GRID2: variants seen among roughly 807,000 people sequenced by gnomAD.
GRID2 encodes glutamate receptor ionotropic, delta-2.
Under a neutral mutation model 114.8 loss-of-function variants are expected in GRID2, and 33 were observed. That is an observed-to-expected ratio of 0.29 (90% CI 0.22 to 0.38). The LOEUF is 0.38. Among genes scored for constraint, GRID2 ranks in the 10% least tolerant of loss-of-function variants. The pLI, the probability that GRID2 is intolerant of heterozygous loss-of-function variation, is 1.00. For missense variants in GRID2, 1,184 were observed against 1,257.7 expected, an observed-to-expected ratio of 0.94 and a Z score of 0.89; for synonymous variants, 505 against 449.9, an observed-to-expected ratio of 1.12 and a Z score of -1.55.
At chr4:93,241,537 TTA>T (rs1239697862) in intron 8 of GRID2, among the ~76,000 whole-genome samples, 1 of 151,894 alleles carries the variant, frequency 6.6e-6, no homozygotes, top group African/African-American at 2.4e-5. Context: ...ATAATTATGC[TTA>T]TGTTTACATA....
chr4:92,736,732 C>A (rs531344535), intron 2 of GRID2, among the ~76,000 whole-genome samples: 1 of 152,082 alleles, frequency 6.6e-6, no homozygotes, highest in Non-Finnish European at 1.5e-5. Flanking sequence ...AACACTGCCC[C>A]AGTTTATGGG....
At chr4:92,875,187 A>G (rs1157578100) in intron 2 of GRID2, among the ~76,000 whole-genome samples, 2 of 111,188 alleles carry the variant, frequency 1.8e-5, no homozygotes, top group African/African-American at 7.1e-5. Flanking sequence ...CCCGAGACGG[A>G]GTCTCACACT....
chr4:93,636,837 G>A (rs1475795855), intron 14 of GRID2, among the ~76,000 whole-genome samples: 1 of 152,104 alleles, frequency 6.6e-6, no homozygotes, highest in South Asian at 2.1e-4. Flanking sequence ...GGGAAGTGGG[G>A]TGCCCTGCCC....
At chr4:92,438,996 T>G (rs150170933) in intron 1 of GRID2, among the ~76,000 whole-genome samples, 9,752 of 152,284 alleles carry the variant, frequency 0.064, 409 homozygotes, top group Middle Eastern at 0.14. Context: ...AGGATTTGTG[T>G]GAGCAACATG....
chr4:92,643,026 A>G (rs569389362), intron 2 of GRID2, among the ~76,000 whole-genome samples: 20 of 151,892 alleles, frequency 1.3e-4, no homozygotes, highest in African/African-American at 4.3e-4. Context: ...GACGTTAAGT[A>G]ATGTGATGCA....
At chr4:93,513,276 T>C (rs556385926) in intron 12 of GRID2, among the ~76,000 whole-genome samples, 135 of 152,048 alleles carry the variant, frequency 8.9e-4, no homozygotes, top group African/African-American at 2.9e-3. Flanking sequence ...CCATTCCTTC[T>C]TCCTGTGTTA....
intron 2 of GRID2, among the ~76,000 whole-genome samples, chr4:92,765,784 C>T (rs927649732): frequency 3.9e-5 from 6 of 152,180 alleles, no homozygotes; most frequent in African/African-American, 1.4e-4. Context: ...TCCACCTCAA[C>T]TCCCAGCACA....
chr4:93,688,058 AG>A (rs1278592875), intron 14 of GRID2, among the ~76,000 whole-genome samples: 25 of 152,092 alleles, frequency 1.6e-4, no homozygotes, highest in Non-Finnish European at 3.4e-4. Flanking sequence ...GTTGGATGGC[AG>A]GAAGATAAAG....
intron 5 of GRID2, among the ~76,000 whole-genome samples, chr4:93,208,950 A>G (rs1269351068): frequency 6.6e-6 from 1 of 151,996 alleles, no homozygotes; most frequent in Non-Finnish European, 1.5e-5. Context: ...CAAATTAAAT[A>G]TTTTCATTTC....
intron 7 of GRID2, among the ~76,000 whole-genome samples, chr4:93,235,062 C>T (rs1746614062): frequency 6.6e-6 from 1 of 151,692 alleles, no homozygotes; most frequent in African/African-American, 2.4e-5. Flanking sequence ...TTTACTTTTT[C>T]CCCAACTTTT....
intron 8 of GRID2, among the ~76,000 whole-genome samples, chr4:93,279,774 T>C (rs1027755804): frequency 3.9e-5 from 6 of 151,974 alleles, no homozygotes; most frequent in Non-Finnish European, 5.9e-5. Flanking sequence ...ATATATCTCA[T>C]TGGACAAATA....
In GRID2 at chr4:92,937,585, A is replaced by G. The variant is rs952453909; in HGVS notation, c.245-147410A>G. On this transcript the variant is annotated intron_variant, in intron 2 of 15. Coordinates refer to ENST00000282020, the MANE Select transcript of GRID2 (RefSeq NM_001510.4). ...TCCATATATTTATATTTATGTCAGT[A>G]TCAAATTATCTGGATTACTGGTGCT... 1.4e-5 allele frequency among the ~76,000 whole-genome samples: 2 copies of G among 146,734 alleles called. 1 individual carries two copies. Among genetic ancestry groups the G allele is most frequent in the Non-Finnish European group, 3.0e-5 (2 of 66,320 alleles).
At chr4:92,806,285 C>G (rs1450262454) in intron 2 of GRID2, among the ~76,000 whole-genome samples, 1 of 151,394 alleles carries the variant, frequency 6.6e-6, no homozygotes, top group East Asian at 1.9e-4. Context: ...GAAAGAAGGA[C>G]TTAGAAAACT....
intron 2 of GRID2, among the ~76,000 whole-genome samples, chr4:92,813,844 T>C (rs939573071): frequency 2.0e-5 from 3 of 152,148 alleles, no homozygotes; most frequent in South Asian, 4.1e-4. Flanking sequence ...CTATATAATA[T>C]GTGCAAAATC....
chr4:93,206,591 T>TACACACACACACACACACAC (rs5860312), intron 4 of GRID2, among the ~76,000 whole-genome samples: 10 of 142,956 alleles, frequency 7.0e-5, no homozygotes, highest in African/African-American at 2.3e-4. Flanking sequence ...CTGCCCCTAC[T>TACACACACACACACACACAC]ACACACACAC....
intron 1 of GRID2, among the ~76,000 whole-genome samples, chr4:92,482,012 AT>A (rs1722631287): frequency 3.0e-5 from 2 of 66,286 alleles, no homozygotes; most frequent in Non-Finnish European, 7.1e-5. Context: ...ATATATATAT[AT>A]ATATATATAT....
intron 1 of GRID2, among the ~76,000 whole-genome samples, chr4:92,400,411 A>G (rs944929634): frequency 6.6e-6 from 1 of 152,162 alleles, no homozygotes; most frequent in Admixed American, 6.5e-5. Flanking sequence ...TTCAAGGTTC[A>G]TTCATGCTGT....
chr4:93,714,144 G>T (rs1728712663), intron 14 of GRID2, among the ~76,000 whole-genome samples: 1 of 151,804 alleles, frequency 6.6e-6, no homozygotes, highest in Non-Finnish European at 1.5e-5. Context: ...CTGTGTCCGT[G>T]CGTTCTCATT....
At chr4:93,417,197 C>T (rs199684177) in intron 9 of GRID2, among the ~76,000 whole-genome samples, 2 of 151,196 alleles carry the variant, frequency 1.3e-5, no homozygotes, top group Non-Finnish European at 1.5e-5. Flanking sequence ...TAAATAGGCA[C>T]AAGCCATAAT....
Sources: allele counts gnomAD v4.1 joint callset (sites outside exome capture counted in the v4.1 genomes callset), GRCh38; gene constraint gnomAD v4.1.1; transcripts MANE v1.5; gene names NCBI Gene and HGNC (gene_info 2026-07-23, HGNC 2026-07-21).